SDK1: variants seen among roughly 807,000 people sequenced by gnomAD.
SDK1 encodes the protein protein sidekick-1.
Under a neutral mutation model 245.5 loss-of-function variants are expected in SDK1, and 157 were observed. The observed-to-expected ratio is 0.64, with a 90% CI of 0.56 to 0.73. SDK1 has a LOEUF of 0.73. SDK1 is among the 30% of genes least tolerant of loss of function. The probability of loss-of-function intolerance (pLI) is 0.00; values close to 1 mark genes in which losing one functional copy is unlikely to be tolerated. For missense variants in SDK1, 3,583 were observed against 3,002.3 expected (o/e 1.19, Z -4.52); for synonymous variants, 1,647 against 1,278.5 (o/e 1.29, Z -6.15).
chr7:3,574,501 C>A (rs114477720), intron 1 of SDK1, among the ~76,000 whole-genome samples: 2 of 152,108 alleles, frequency 1.3e-5, no homozygotes, highest in East Asian at 3.9e-4. Flanking sequence ...AGGTAACCAA[C>A]GGGGCTAGCA....
intron 14 of SDK1, among the ~76,000 whole-genome samples, chr7:4,000,257 GTT>G (rs768515237): frequency 1.3e-5 from 2 of 152,212 alleles, no homozygotes; most frequent in Non-Finnish European, 2.9e-5. Context: ...ATGTTCTGGG[GTT>G]CAGGTTGCAA....
intron 4 of SDK1, among the ~76,000 whole-genome samples, chr7:3,674,695 C>G (rs1377820880): frequency 6.6e-6 from 1 of 152,110 alleles, no homozygotes; most frequent in African/African-American, 2.4e-5. Flanking sequence ...TGGCTCTTGG[C>G]AGGGAAGAGC....
At chr7:3,637,085 G>C (rs1250448380) in intron 2 of SDK1, among the ~76,000 whole-genome samples, 1 of 149,332 alleles carries the variant, frequency 6.7e-6, no homozygotes, top group Non-Finnish European at 1.5e-5. Flanking sequence ...GTGCGTGCGC[G>C]CGTGTGTGTG....
chr7:3,421,590 AATT>A (rs1479832173), intron 1 of SDK1, among the ~76,000 whole-genome samples: 1 of 152,178 alleles, frequency 6.6e-6, no homozygotes, highest in African/African-American at 2.4e-5. Flanking sequence ...TCTGTAAACT[AATT>A]ATATTTTGAA....
chr7:4,012,574 TTTTTTTTTTTTTTTTTTTG>T (rs1353453990), intron 16 of SDK1, among the ~76,000 whole-genome samples: 8 of 107,312 alleles, frequency 7.5e-5, no homozygotes, highest in African/African-American at 3.5e-4. Flanking sequence ...TTTTTTTTTT[TTTTTTTTTTTTTTTTTTTG>T]ATGGAGTTTC....
At chr7:3,825,903 T>C (rs1346105933) in intron 5 of SDK1, among the ~76,000 whole-genome samples, 5 of 152,218 alleles carry the variant, frequency 3.3e-5, no homozygotes, top group Non-Finnish European at 7.3e-5. Context: ...GTTTGAAATA[T>C]TACTAAAAAC....
At chr7:4,007,101 G>A (rs1249126988) in intron 14 of SDK1, among the ~76,000 whole-genome samples, 1 of 152,238 alleles carries the variant, frequency 6.6e-6, no homozygotes, top group Non-Finnish European at 1.5e-5. Context: ...AAGGAAGAAA[G>A]GGATGGACGA....
chr7:3,546,615 TTTAAAA>T (rs565226594), intron 1 of SDK1, among the ~76,000 whole-genome samples: 147 of 152,260 alleles, frequency 9.7e-4, no homozygotes, highest in African/African-American at 1.6e-3. Context: ...GATGTGACTG[TTTAAAA>T]TTAAGAGAAA....
chr7:3,404,773 G>C (rs1779005433), intron 1 of SDK1, among the ~76,000 whole-genome samples: 1 of 152,142 alleles, frequency 6.6e-6, no homozygotes, highest in Non-Finnish European at 1.5e-5. Flanking sequence ...ACTGTAATTG[G>C]TAGTTTAACA....
intron 1 of SDK1, among the ~76,000 whole-genome samples, chr7:3,507,647 A>C (rs544090231): frequency 3.3e-5 from 5 of 152,168 alleles, no homozygotes; most frequent in Non-Finnish European, 5.9e-5. Context: ...TCATGTCCAC[A>C]ACAAAGCCTG....
At chr7:3,789,017 G>A (rs1465917885) in intron 4 of SDK1, among the ~76,000 whole-genome samples, 1 of 152,228 alleles carries the variant, frequency 6.6e-6, no homozygotes, top group Non-Finnish European at 1.5e-5. Flanking sequence ...CGGCTGACAA[G>A]CTCCTTTCTG....
At chr7:3,765,159 G>A (rs1177070292) in intron 4 of SDK1, among the ~76,000 whole-genome samples, 1 of 152,012 alleles carries the variant, frequency 6.6e-6, no homozygotes, top group Non-Finnish European at 1.5e-5. Context: ...AACAATATAA[G>A]TGAATTATAT....
intron 4 of SDK1, among the ~76,000 whole-genome samples, chr7:3,666,760 A>G (rs1259034212): frequency 6.6e-6 from 1 of 152,212 alleles, no homozygotes; most frequent in Non-Finnish European, 1.5e-5. Context: ...AAACAAAAAA[A>G]ATCAAAGGAG....
intron 17 of SDK1, among the ~76,000 whole-genome samples, chr7:4,032,847 G>C (rs1393180465): frequency 6.6e-6 from 1 of 152,212 alleles, no homozygotes; most frequent in Non-Finnish European, 1.5e-5. Context: ...AACGGACCGT[G>C]TTTTTGAACA....
At chr7:4,166,452 A>C (rs1781506751) in intron 32 of SDK1, among the ~76,000 whole-genome samples, 2 of 152,254 alleles carry the variant, frequency 1.3e-5, no homozygotes, top group African/African-American at 4.8e-5. Context: ...TGCACTTGGC[A>C]GGACTGCCAG....
At chr7:3,811,076 T>A (rs189426114) in intron 4 of SDK1, among the ~76,000 whole-genome samples, 1 of 152,302 alleles carries the variant, frequency 6.6e-6, no homozygotes, top group East Asian at 1.9e-4. Flanking sequence ...TACTTGCCAG[T>A]CACATTCTAC....
intron 1 of SDK1, among the ~76,000 whole-genome samples, chr7:3,555,509 T>A (rs965457037): frequency 6.6e-6 from 1 of 152,064 alleles, no homozygotes; most frequent in Non-Finnish European, 1.5e-5. Flanking sequence ...GGGCATTGGA[T>A]GGGGTAAGGA....
chr7:4,129,992 G>A lies in SDK1; in HGVS notation c.4024G>A (p.Gly1342Ser). Residue 1342 changes from glycine to serine, a missense_variant, in exon 27 of 45, where the codon GGC (glycine) becomes AGC (serine). Physicochemically the swap from Gly to Ser is moderately conservative, Grantham distance 56 (BLOSUM62 0). Transcript: ENST00000404826. ...GNHTQSALLA[G>S]LRKFVLYELQ... Reference sequence around the variant, plus strand: ...CCACACGCAGTCGGCCCTGCTGGCAGGCCTGCGCAAGTTCGTGCTCTACGA... The same window carrying A: ...CCACACGCAGTCGGCCCTGCTGGCAAGCCTGCGCAAGTTCGTGCTCTACGA... 1 of 1,613,754 alleles carries A rather than the reference G, an allele frequency of 6.2e-7. No individual in the cohort carries two copies. The highest frequency in any genetic ancestry group is 8.5e-7 in the Non-Finnish European group (1 of 1,179,970).
chr7:3,532,135 C>A (rs1783368519), intron 1 of SDK1, among the ~76,000 whole-genome samples: 1 of 152,116 alleles, frequency 6.6e-6, no homozygotes, highest in Admixed American at 6.5e-5. Context: ...AGAGGATACT[C>A]AATAAAATTT....
Sources: gnomAD v4.1 joint callset for allele counts (sites outside exome capture counted in the v4.1 genomes callset) on GRCh38, gnomAD v4.1.1 for gene constraint, MANE v1.5 for transcripts, NCBI Gene and HGNC (gene_info 2026-07-23, HGNC 2026-07-21) for gene names.